LILRA2: variants seen among roughly 807,000 people sequenced by gnomAD.
The protein encoded by LILRA2 is leukocyte immunoglobulin like receptor A2.
LILRA2 carries 45 observed loss-of-function variants against 47.9 expected under a neutral mutation model. That is an observed-to-expected ratio of 0.94 (90% CI 0.74 to 1.20). LILRA2 has a LOEUF of 1.20. Among genes scored for constraint, LILRA2 ranks in the 50% most tolerant of loss-of-function variants. The pLI is 0.00. For synonymous variants in LILRA2, 279 were observed against 249.2 expected (o/e 1.12, Z -1.13); for missense variants, 651 against 598.2 (o/e 1.09, Z -0.92).
At chr19:54,578,058 A>T (rs2062527402) in intron 6 of LILRA2, among the ~76,000 whole-genome samples, 1 of 151,802 alleles carries the variant, frequency 6.6e-6, no homozygotes, top group Non-Finnish European at 1.5e-5. Context: ...TTGTATGCTC[A>T]TTTTAACTTA....
chr19:54,573,564 C>G (rs763091684), upstream of LILRA2: 9 of 741,840 alleles, frequency 1.2e-5, no homozygotes, highest in Non-Finnish European at 2.1e-5. Context: ...AGGAGGGCAC[C>G]AGTTCTATTT....
Position 54,586,047 on chromosome 19 carries a change from T to C in LILRA2, c.1256-963T>C, listed in dbSNP as rs182726776. Reference sequence around the variant, plus strand: ...TGATCTCCTTTAATTTCTGGTACAATTTTAGAAATCATAATACATGGAAAT... The same window carrying C: ...TGATCTCCTTTAATTTCTGGTACAACTTTAGAAATCATAATACATGGAAAT... On this transcript the variant is annotated intron_variant, in intron 6 of 7. Coordinates refer to ENST00000391738, the MANE Select transcript of LILRA2 (RefSeq NM_001130917.3). Among the ~76,000 whole-genome samples the C allele has an allele frequency of 1.1e-4, 16 of 152,170 alleles. No individual in the cohort carries two copies. The East Asian group carries it at 2.9e-3, about 28-fold the overall frequency.
At position 54,589,251 on chromosome 19, in the gene LILRA2, T is replaced by C. The variant is rs2062885754; in HGVS notation, c.*1905T>C. The C allele has an allele frequency of 6.6e-6, 1 of 152,214 alleles. No individual in the cohort carries two copies. The highest frequency in any genetic ancestry group is 2.1e-4 in the South Asian group (1 of 4,834). The allele number at this position is 152,214 out of a possible 1,614,324, so 9.4% of individuals were successfully genotyped here. ...CAACTATGTTCACATTTATAGCTAA[T>C]GGGGCTCAGGATTTCAACGTGTATA... is the stretch of plus-strand genomic sequence containing the variant. On this transcript the variant is annotated 3_prime_UTR_variant, in exon 8 of 8. Coordinates refer to ENST00000391738, the MANE Select transcript of LILRA2 (RefSeq NM_001130917.3).
intron 6 of LILRA2, among the ~76,000 whole-genome samples, chr19:54,586,623 G>T (rs976103584): frequency 6.0e-5 from 9 of 151,102 alleles, no homozygotes; most frequent in Admixed American, 2.0e-4. Flanking sequence ...TCTCTGGGGA[G>T]CATTGGCTTC....
rs142153411 is a variant in LILRA2 at position 54,575,351 on chromosome 19, G to A, written c.751G>A (p.Asp251Asn). The change falls in exon 5 of 8, where the codon GAC becomes AAC. Residue 251 changes from aspartate to asparagine, a missense_variant. Asp to Asn is a conservative substitution (Grantham distance 23). Coordinates refer to ENST00000391738, the MANE Select transcript of LILRA2 (RefSeq NM_001130917.3). Reference sequence around the variant, plus strand: ...CCAGTGTGTCTCTGATGTCGGCTACGACAGATTTGTTCTGTATAAGGAGGG... The same window carrying A: ...CCAGTGTGTCTCTGATGTCGGCTACAACAGATTTGTTCTGTATAAGGAGGG... Reference protein sequence around the residue: ...TLQCVSDVGYDRFVLYKEGER... With the variant: ...TLQCVSDVGYNRFVLYKEGER... 1.6e-4 allele frequency: 264 copies of A among 1,614,132 alleles called. 1 individual carries two copies. Among genetic ancestry groups the A allele is most frequent in the East Asian group, 7.1e-4 (32 of 44,888 alleles).
rs1233097088 is a variant in LILRA2 at position 54,574,582 on chromosome 19, G to T, written c.352G>T (p.Gly118Ter). The change falls in exon 3 of 8, where the codon GGA becomes TGA. Residue 118 changes from glycine to a stop codon, truncating the protein, a stop_gained and splice_region_variant. Coordinates refer to ENST00000391738, the MANE Select transcript of LILRA2 (RefSeq NM_001130917.3). LOFTEE classifies it high-confidence loss of function. ...TGACCCCCTGGAGCTGGTGGTGACA[G>T]GTGAGAGGACACTCAGGAGTCCCAG... ...YSDPLELVVT[G>*]AYSKPTLSAL... The T allele has an allele frequency of 6.2e-7, 1 of 1,613,924 alleles. No homozygotes were observed. The highest frequency in any genetic ancestry group is 8.5e-7 in the Non-Finnish European group (1 of 1,179,840).
intron 2 of LILRA2, 68 bp downstream of exon 2, chr19:54,574,179 C>G (rs2062268318): frequency 1.9e-6 from 3 of 1,614,252 alleles, no homozygotes; most frequent in Non-Finnish European, 2.5e-6. Context: ...CCCCGTGCAG[C>G]TGGGGATGGG....
intron 6 of LILRA2, among the ~76,000 whole-genome samples, chr19:54,578,468 C>T (rs569219929): frequency 1.4e-4 from 21 of 152,274 alleles, no homozygotes; most frequent in East Asian, 5.8e-4. Flanking sequence ...TCCTTTTTAA[C>T]GGCTGCATAG....
In LILRA2 at chr19:54,587,502, ACTGT is replaced by A. The variant is rs573664905; in HGVS notation, c.*160_*163del. 2.4e-3 allele frequency: 2,905 copies of A among 1,228,210 alleles called. 6 individuals carry two copies. Among genetic ancestry groups the A allele is most frequent in the Non-Finnish European group, 2.9e-3 (2,649 of 900,706 alleles). The allele number at this position is 1,228,210 out of a possible 1,614,324, so 76.1% of individuals were successfully genotyped here. A position where few individuals can be genotyped will look rare whatever the true frequency, so the allele number is the denominator to read the frequency against. On this transcript the variant is annotated 3_prime_UTR_variant, in exon 8 of 8. Transcript: ENST00000391738. ...GCAATCAATATTTGAGTGTAAGGAA[ACTGT>A]CTGGGGTGATTCCTAGAAGATCATT...
intron 6 of LILRA2, among the ~76,000 whole-genome samples, chr19:54,584,443 C>T (rs1056156539): frequency 6.6e-6 from 1 of 152,082 alleles, no homozygotes; most frequent in Non-Finnish European, 1.5e-5. Flanking sequence ...TCACATAGTC[C>T]CATATTTCTT....
Position 54,575,997 on chromosome 19 carries a change from C to A in LILRA2, c.1143C>A (p.Arg381=), listed in dbSNP as rs2062410876. The A allele has an allele frequency of 6.2e-7, 1 of 1,613,974 alleles. No individual in the cohort carries two copies. Among genetic ancestry groups the A allele is most frequent in the African/African-American group, 1.3e-5 (1 of 74,968 alleles). ...HQAQQNQAEF[R]MGPVTSAHVG... is the part of the protein sequence containing the mutation. ...CTCAGCAGAACCAGGCTGAATTCCG[C>A]ATGGGTCCTGTGACCTCAGCCCACG... is the stretch of plus-strand genomic sequence containing the variant. The change falls in exon 6 of 8, where the codon CGC becomes CGA. Residue 381 remains arginine (R), a synonymous_variant. Coordinates refer to ENST00000391738, the MANE Select transcript of LILRA2 (RefSeq NM_001130917.3).
At chr19:54,584,592 G>A (rs181972181) in intron 6 of LILRA2, among the ~76,000 whole-genome samples, 1 of 152,232 alleles carries the variant, frequency 6.6e-6, no homozygotes, top group East Asian at 1.9e-4. Context: ...CATGCATCAC[G>A]AAGTTCTTGT....
At position 54,575,914 on chromosome 19, in the gene LILRA2, CTTCT is replaced by C; in HGVS notation, c.1061_1064del (p.Leu354ArgfsTer13). ...GTCACGGGGGCAGTTCCACACTTTCCTTCTGACCAAGGAGGGGGCAGGCCATCCC... is the reference window on the plus strand; with the variant it reads ...GTCACGGGGGCAGTTCCACACTTTCCGACCAAGGAGGGGGCAGGCCATCCC... On this transcript the variant is annotated frameshift_variant, in exon 6 of 8. Coordinates refer to ENST00000391738, the MANE Select transcript of LILRA2 (RefSeq NM_001130917.3). LOFTEE classifies it high-confidence loss of function. The C allele has an allele frequency of 3.1e-6, 5 of 1,613,986 alleles. No homozygotes were observed. The South Asian group carries it at 5.5e-5, about 18-fold the overall frequency.
In LILRA2 at chr19:54,574,469, G is replaced by A. The variant is rs773880365; in HGVS notation, c.239G>A (p.Gly80Asp). 7 of 1,614,094 alleles carry A rather than the reference G, an allele frequency of 4.3e-6. No individual in the cohort carries two copies. The Admixed American group carries it at 1.0e-4, about 23-fold the overall frequency. ...CGGATACAAGAGCCTGGGAAGAATG[G>A]CCAGTTCCCCATCCCATCCATCACC... is the stretch of plus-strand genomic sequence containing the variant. ...VRRIQEPGKNGQFPIPSITWE... is the reference protein window; with the variant it reads ...VRRIQEPGKNDQFPIPSITWE... The change falls in exon 3 of 8, where the codon GGC (glycine) becomes GAC (aspartate). Residue 80 changes from glycine to aspartate, a missense_variant. Coordinates refer to ENST00000391738, the MANE Select transcript of LILRA2 (RefSeq NM_001130917.3).
At chr19:54,575,201 G>T in intron 4 of LILRA2, 55 bp from the exon 5 acceptor site, 1 of 1,564,220 alleles carries the variant, frequency 6.4e-7, no homozygotes, top group Non-Finnish European at 8.7e-7. Flanking sequence ...GAGAGGGAGG[G>T]TTTGTGGGGA....
chr19:54,581,982 G>T (rs2062652207), intron 6 of LILRA2, among the ~76,000 whole-genome samples: 1 of 152,326 alleles, frequency 6.6e-6, no homozygotes, highest in Admixed American at 6.5e-5. Context: ...TTTTTAGCAT[G>T]AAGGGCTGTT....
chr19:54,587,379 G>A lies in LILRA2; in HGVS notation c.*33G>A, dbSNP rs1337860554. ...AGAGGACAATGCATCCTTCAGCGTG[G>A]TGGAGCCTCAGGGACAGATCTGATG... On this transcript the variant is annotated 3_prime_UTR_variant, in exon 8 of 8. Transcript: ENST00000391738. 7 of 1,613,824 alleles carry A rather than the reference G, an allele frequency of 4.3e-6. No individual in the cohort carries two copies. Among genetic ancestry groups the A allele is most frequent in the South Asian group, 1.1e-5 (1 of 91,040 alleles).
chr19:54,587,223 G>A lies in LILRA2; in HGVS notation c.1329G>A (p.Gln443=). The change falls in exon 8 of 8, where the codon CAG becomes CAA. Residue 443 remains glutamine, a synonymous_variant. Coordinates refer to ENST00000391738, the MANE Select transcript of LILRA2 (RefSeq NM_001130917.3). The stretch of plus-strand genomic sequence containing the variant: ...CAGCATCCCTAGGCCAACACCCCCA[G>A]GATTACACAGTGGAGAATCTCATCC... ...STTTSLGQHP[Q]DYTVENLIRM... 1 of 1,614,086 alleles carries A rather than the reference G, an allele frequency of 6.2e-7. No homozygotes were observed. The highest frequency in any genetic ancestry group is 8.5e-7 in the Non-Finnish European group (1 of 1,179,998).
chr19:54,573,594 CAAG>C (rs1443307413), upstream of LILRA2: 6 of 616,784 alleles, frequency 9.7e-6, no homozygotes, highest in African/African-American at 8.3e-5. Context: ...TCCCAGGTCT[CAAG>C]GAGATGAGGA....
Sources: gnomAD v4.1 joint callset for allele counts (sites outside exome capture counted in the v4.1 genomes callset) on GRCh38, gnomAD v4.1.1 for gene constraint, MANE v1.5 for transcripts, NCBI Gene and HGNC (gene_info 2026-07-23, HGNC 2026-07-21) for gene names.